The following DIS3L2 variants were observed in gnomAD, a reference collection of about 807,000 sequenced individuals.
DIS3L2 encodes the protein DIS3-like exonuclease 2.
A neutral mutation model predicts 97.5 loss-of-function variants in DIS3L2; 34 were observed. The ratio of observed to expected loss-of-function variants is 0.35; its 90% CI spans 0.27 to 0.46. DIS3L2 has a LOEUF of 0.46. Among genes scored for constraint, DIS3L2 ranks in the 20% least tolerant of loss-of-function variants. The pLI is 1.00. For synonymous variants in DIS3L2, 435 were observed against 445.2 expected, an observed-to-expected ratio of 0.98 and a Z score of 0.29; for missense variants, 1,038 against 1,146.0, an observed-to-expected ratio of 0.91 and a Z score of 1.36.
At chr2:232,036,452 A>G (rs980130616) in intron 5 of DIS3L2, among the ~76,000 whole-genome samples, 10 of 152,086 alleles carry the variant, frequency 6.6e-5, no homozygotes, top group Non-Finnish European at 1.2e-4. Flanking sequence ...GCTTTCTTGC[A>G]TTGAGTTAGA....
At chr2:232,072,006 T>C (rs1047272492) in intron 5 of DIS3L2, among the ~76,000 whole-genome samples, 1 of 152,176 alleles carries the variant, frequency 6.6e-6, no homozygotes, top group Admixed American at 6.6e-5. Context: ...ATTTGGTGAC[T>C]GGTATGTTAA....
intron 5 of DIS3L2, among the ~76,000 whole-genome samples, chr2:232,031,496 C>CTTTTTTTT (rs142118818): frequency 1.5e-5 from 2 of 135,792 alleles, no homozygotes; most frequent in African/African-American, 2.7e-5. Context: ...TGCAGGGTTT[C>CTTTTTTTT]TTTTTTTTTT....
intron 9 of DIS3L2, among the ~76,000 whole-genome samples, chr2:232,205,587 C>A (rs2106212169): frequency 6.6e-6 from 1 of 152,130 alleles, no homozygotes; most frequent in South Asian, 2.1e-4. Flanking sequence ...CAGCCATGAG[C>A]CACCGTGCCC....
At chr2:232,327,580 C>T (rs1695612999) in intron 14 of DIS3L2, among the ~76,000 whole-genome samples, 1 of 152,216 alleles carries the variant, frequency 6.6e-6, no homozygotes, top group Admixed American at 6.5e-5. Flanking sequence ...TTTGATTCCT[C>T]TTGGGTTCAC....
intron 14 of DIS3L2, 28 bp from the exon 15 acceptor site, chr2:232,329,785 T>TGCCCGGGGGGGGGG: frequency 4.4e-5 from 43 of 967,120 alleles, no homozygotes; most frequent in Non-Finnish European, 5.7e-5. Flanking sequence ...ACCCCAGCGG[T>TGCCCGGGGGGGGGG]CCCTCCCATC....
At chr2:232,121,512 G>C (rs1455321105) in intron 6 of DIS3L2, among the ~76,000 whole-genome samples, 1 of 152,124 alleles carries the variant, frequency 6.6e-6, no homozygotes, top group Non-Finnish European at 1.5e-5. Flanking sequence ...TTTCTTTGAA[G>C]TGCCAGATCT....
At chr2:232,173,539 G>A (rs1691054205) in intron 9 of DIS3L2, among the ~76,000 whole-genome samples, 1 of 152,144 alleles carries the variant, frequency 6.6e-6, no homozygotes, top group Admixed American at 6.5e-5. Context: ...GCCAACATAA[G>A]TTTTCTTCTA....
chr2:232,004,716 G>A (rs1694004908), intron 1 of DIS3L2, among the ~76,000 whole-genome samples: 1 of 151,692 alleles, frequency 6.6e-6, no homozygotes, highest in Non-Finnish European at 1.5e-5. Context: ...CAAGTAGCTG[G>A]GACTACAGGC....
At chr2:232,287,388 G>T (rs866358655) in intron 13 of DIS3L2, among the ~76,000 whole-genome samples, 1 of 11,038 alleles carries the variant, frequency 9.1e-5, no homozygotes, top group Non-Finnish European at 1.2e-4. Flanking sequence ...TTCCCCCCGC[G>T]CCCCCCCCCC....
chr2:232,308,455 G>C (rs969399238), intron 14 of DIS3L2, among the ~76,000 whole-genome samples: 3 of 152,198 alleles, frequency 2.0e-5, no homozygotes, highest in African/African-American at 7.2e-5. Context: ...CTTAACAAGA[G>C]AAAATCTTCC....
chr2:232,296,090 G>A (rs924565502), intron 13 of DIS3L2, among the ~76,000 whole-genome samples: 5 of 152,198 alleles, frequency 3.3e-5, no homozygotes, highest in African/African-American at 9.7e-5. Flanking sequence ...TCCCAGGTAT[G>A]TTAGAATCCG....
intron 5 of DIS3L2, among the ~76,000 whole-genome samples, chr2:232,081,365 C>T (rs181288343): frequency 6.6e-6 from 1 of 152,270 alleles, no homozygotes; most frequent in African/African-American, 2.4e-5. Context: ...CATAATAAAA[C>T]GTTCATACGT....
At chr2:231,991,839 A>G (rs1693591908) in intron 1 of DIS3L2, among the ~76,000 whole-genome samples, 1 of 152,174 alleles carries the variant, frequency 6.6e-6, no homozygotes, top group South Asian at 2.1e-4. Context: ...ATCTCTTTTA[A>G]TGACTTCATT....
chr2:232,279,943 C>T (rs777572619), intron 13 of DIS3L2, among the ~76,000 whole-genome samples: 3 of 152,224 alleles, frequency 2.0e-5, no homozygotes, highest in Non-Finnish European at 4.4e-5. Flanking sequence ...TCCATTCTCT[C>T]TGGCTTATCT....
intron 6 of DIS3L2, among the ~76,000 whole-genome samples, chr2:232,116,514 G>A (rs902028229): frequency 8.5e-5 from 13 of 152,144 alleles, no homozygotes; most frequent in Admixed American, 3.3e-4. Context: ...AATAATTCCC[G>A]TTCTCCTTAG....
intron 8 of DIS3L2, among the ~76,000 whole-genome samples, chr2:232,163,035 G>A (rs758946152): frequency 8.6e-5 from 13 of 151,948 alleles, no homozygotes; most frequent in Non-Finnish European, 1.3e-4. Context: ...AAATTTTAAA[G>A]ATTAAAAACT....
chr2:231,976,352 A>G (rs35020669), intron 1 of DIS3L2, among the ~76,000 whole-genome samples: 30,594 of 152,126 alleles, frequency 0.2, 3,804 homozygotes, highest in South Asian at 0.44. Context: ...AGATTGGGCC[A>G]GGCACGGTAG....
At chr2:232,329,612 C>T (rs1304743277) in intron 14 of DIS3L2, 60 of 498,310 alleles carry the variant, frequency 1.2e-4, no homozygotes. Flanking sequence ...CGGTGTAGAC[C>T]AACTGGTGCA....
chr2:232,061,005 A>G (rs1363989919), intron 5 of DIS3L2, among the ~76,000 whole-genome samples: 1 of 152,206 alleles, frequency 6.6e-6, no homozygotes, highest in Non-Finnish European at 1.5e-5. Flanking sequence ...ATTTTGTATC[A>G]TGAAACTTTA....
Sources: gnomAD v4.1 joint callset for allele counts (sites outside exome capture counted in the v4.1 genomes callset) on GRCh38, gnomAD v4.1.1 for gene constraint, MANE v1.5 for transcripts, NCBI Gene and HGNC (gene_info 2026-07-23, HGNC 2026-07-21) for gene names.